Variants in ADGRV1 observed in about 807,000 individuals in gnomAD.
ADGRV1 encodes adhesion G protein-coupled receptor V1, also known as G-protein coupled receptor 98.
A neutral mutation model predicts 596.2 loss-of-function variants in ADGRV1; 359 were observed. The ratio of observed to expected loss-of-function variants is 0.60; its 90% CI spans 0.55 to 0.66. ADGRV1 has a LOEUF of 0.66. Among genes scored for constraint, ADGRV1 ranks in the 30% least tolerant of loss-of-function variants. ADGRV1 has a pLI of 0.00. For missense variants in ADGRV1, 7,274 were observed against 7,575.6 expected, an observed-to-expected ratio of 0.96 and a Z score of 1.48; for synonymous variants, 2,681 against 2,679.2, an observed-to-expected ratio of 1.00 and a Z score of -0.02.
chr5:90,854,007 C>T (rs1766785114), intron 80 of ADGRV1, 55 bp from the exon 81 acceptor site: 4 of 1,295,522 alleles, frequency 3.1e-6, no homozygotes, highest in Non-Finnish European at 4.3e-6. Context: ...GTAAGAGACT[C>T]AGTCATTACA....
chr5:90,634,878 G>C (rs1172148730), intron 9 of ADGRV1, among the ~76,000 whole-genome samples: 4 of 152,080 alleles, frequency 2.6e-5, no homozygotes, highest in African/African-American at 4.8e-5. Flanking sequence ...AAAATTATAA[G>C]ATAAAGGGTT....
chr5:90,592,512 G>C (rs1046376824), intron 1 of ADGRV1, among the ~76,000 whole-genome samples: 4 of 152,190 alleles, frequency 2.6e-5, no homozygotes, highest in African/African-American at 9.6e-5. Flanking sequence ...GATCCCATTT[G>C]TCTATTTTGG....
At chr5:90,976,233 T>TATATAC (rs1554185047) in intron 84 of ADGRV1, among the ~76,000 whole-genome samples, 1 of 146,446 alleles carries the variant, frequency 6.8e-6, no homozygotes, top group Non-Finnish European at 1.5e-5. Flanking sequence ...TATATATATA[T>TATATAC]ACACAATGTA....
intron 1 of ADGRV1, among the ~76,000 whole-genome samples, chr5:90,599,395 A>G (rs1761120460): frequency 6.6e-6 from 1 of 152,222 alleles, no homozygotes; most frequent in South Asian, 2.1e-4. Flanking sequence ...GAATTTTTAA[A>G]TGTTCTGATA....
chr5:90,745,727 A>G lies in ADGRV1; in HGVS notation c.10906A>G (p.Ile3636Val), dbSNP rs1271141313. 3.1e-6 allele frequency: 5 copies of G among 1,612,374 alleles called. No homozygotes were observed. The highest frequency in any genetic ancestry group is 4.2e-6 in the Non-Finnish European group (5 of 1,178,890). ...KNPKGGAEIG[I>V]NDSVTITILS... ...TCCCAAAGGAGGAGCAGAGATTGGC[A>G]TTAATGATTCTGTAACAATAACCAT... Residue 3636 changes from isoleucine (I) to valine (V), a missense_variant, in exon 52 of 90, where the codon ATT becomes GTT. Around this residue, in one of 5 missense-constraint regions of ADGRV1, gnomAD observed 3,643 missense variants for 3,809.2 expected, o/e 0.96. Coordinates refer to ENST00000405460, the MANE Select transcript of ADGRV1 (RefSeq NM_032119.4).
chr5:90,963,244 T>A (rs761652564), intron 83 of ADGRV1, among the ~76,000 whole-genome samples: 13 of 152,162 alleles, frequency 8.5e-5, no homozygotes, highest in Non-Finnish European at 1.5e-4. Context: ...TATCCTTTAT[T>A]TATTTATTTT....
intron 22 of ADGRV1, 176 bp downstream of exon 22, chr5:90,672,898 G>A (rs1430795065): frequency 1.9e-6 from 1 of 528,300 alleles, no homozygotes; most frequent in South Asian, 3.4e-5. Context: ...CCTTTATCAG[G>A]TAGAGTTAGT....
intron 83 of ADGRV1, among the ~76,000 whole-genome samples, chr5:90,905,388 T>G (rs1772223457): frequency 6.6e-6 from 1 of 152,056 alleles, no homozygotes; most frequent in African/African-American, 2.4e-5. Context: ...CTCTCATTTT[T>G]GGTACCCCCT....
intron 82 of ADGRV1, among the ~76,000 whole-genome samples, chr5:90,857,008 T>C (rs1238558490): frequency 6.6e-6 from 1 of 152,174 alleles, no homozygotes; most frequent in Non-Finnish European, 1.5e-5. Context: ...TTACTATTTG[T>C]TCTGGTTGCC....
intron 85 of ADGRV1, among the ~76,000 whole-genome samples, chr5:91,071,683 AT>A (rs1054034513): frequency 1.3e-3 from 201 of 150,910 alleles, no homozygotes; most frequent in African/African-American, 4.6e-3. Flanking sequence ...TATTTTATTA[AT>A]TTTTTTTTGA....
intron 84 of ADGRV1, among the ~76,000 whole-genome samples, chr5:90,983,759 C>A (rs1400861890): frequency 1.3e-5 from 2 of 152,068 alleles, no homozygotes; most frequent in African/African-American, 2.4e-5. Context: ...CAGATATAAG[C>A]AGATGTACAT....
intron 89 of ADGRV1, among the ~76,000 whole-genome samples, chr5:91,162,347 G>C (rs1462233903): frequency 1.3e-5 from 2 of 152,154 alleles, no homozygotes; most frequent in African/African-American, 4.8e-5. Flanking sequence ...ATATTGGTAG[G>C]AAGAGTGGAG....
chr5:90,765,152 C>T (rs574766011), intron 59 of ADGRV1, among the ~76,000 whole-genome samples: 3 of 152,062 alleles, frequency 2.0e-5, no homozygotes, highest in Non-Finnish European at 4.4e-5. Context: ...GTTTTCTGTT[C>T]AGAACTGGGC....
rs750951896 is a variant in ADGRV1 at position 90,756,633 on chromosome 5, G to A, written c.11757+3G>A. The A allele has an allele frequency of 8.7e-6, 14 of 1,610,114 alleles. No homozygotes were observed. Among genetic ancestry groups the A allele is most frequent in the Non-Finnish European group, 1.2e-5 (14 of 1,176,772 alleles). Reference sequence around the variant, plus strand: ...TTTTTATGTTTCATGTTACTAGAGTGAGATGAACTTTCATTTGTTTACAGT... The same window carrying A: ...TTTTTATGTTTCATGTTACTAGAGTAAGATGAACTTTCATTTGTTTACAGT... On this transcript the variant is annotated splice_donor_region_variant and intron_variant, in intron 56 of 89. Transcript: ENST00000405460.
rs772390527 is a variant in ADGRV1, at chr5:90,750,573, A to G, written c.10997A>G (p.Glu3666Gly). 23 of 1,609,732 alleles carry G rather than the reference A, an allele frequency of 1.4e-5. No individual in the cohort carries two copies. The highest frequency in any genetic ancestry group is 1.6e-5 in the Non-Finnish European group (19 of 1,177,626). Reference sequence around the variant, plus strand: ...CAGAATTCATTATATAAGCAAGTGGAAGAAATGGAGCAAGATAGCCTAGTA... The same window carrying G: ...CAGAATTCATTATATAAGCAAGTGGGAGAAATGGAGCAAGATAGCCTAGTA... ...FAQNSLYKQVEEMEQDSLVTL... is the reference protein window; with the variant it reads ...FAQNSLYKQVGEMEQDSLVTL... The change falls in exon 53 of 90, where the codon GAA (glutamate) becomes GGA (glycine). Residue 3666 changes from glutamate to glycine, a missense_variant. Glu to Gly is a moderately conservative substitution (Grantham distance 98, BLOSUM62 -2). Around this residue, in one of 5 missense-constraint regions of ADGRV1, gnomAD observed 3,643 missense variants for 3,809.2 expected, o/e 0.96. Transcript: ENST00000405460.
intron 21 of ADGRV1, among the ~76,000 whole-genome samples, chr5:90,660,238 G>A (rs1303099199): frequency 1.3e-5 from 2 of 151,868 alleles, no homozygotes. Flanking sequence ...GTTTATTATT[G>A]CTGTCTTAAA....
intron 21 of ADGRV1, among the ~76,000 whole-genome samples, chr5:90,665,955 T>C (rs1387701632): frequency 1.3e-5 from 2 of 150,020 alleles, no homozygotes; most frequent in African/African-American, 2.5e-5. Flanking sequence ...GAGTTCTAGT[T>C]TGATTGCACT....
intron 85 of ADGRV1, among the ~76,000 whole-genome samples, chr5:91,039,364 G>A (rs1451857147): frequency 6.6e-6 from 1 of 152,180 alleles, no homozygotes; most frequent in Admixed American, 6.5e-5. Flanking sequence ...GTCACTGGTA[G>A]CTCCAGGCCT....
chr5:90,776,723 C>G, intron 61 of ADGRV1, 147 bp downstream of exon 61: 1 of 851,644 alleles, frequency 1.2e-6, no homozygotes, highest in Non-Finnish European at 1.8e-6. Context: ...GAGAGGAGAA[C>G]AAATTTGGGG....
Sources: gnomAD v4.1 joint callset for allele counts (sites outside exome capture counted in the v4.1 genomes callset) on GRCh38, gnomAD v4.1.1 for gene constraint, gnomAD v4.1.1 regional missense constraint, MANE v1.5 for transcripts, NCBI Gene and HGNC (gene_info 2026-07-23, HGNC 2026-07-21) for gene names.